SIK3: variants seen among roughly 807,000 people sequenced by gnomAD.
The protein encoded by SIK3 is SIK family kinase 3, also known as serine/threonine-protein kinase SIK3.
In SIK3, 28 loss-of-function variants were observed where a neutral mutation model predicts 144.2. The observed-to-expected ratio is 0.19, with a 90% CI of 0.14 to 0.27. SIK3 has a LOEUF of 0.27. Ranked by LOEUF, SIK3 falls within the 10% of genes least tolerant of loss-of-function variation. SIK3 has a pLI of 1.00. For synonymous variants in SIK3, 686 were observed against 676.3 expected, an observed-to-expected ratio of 1.01 and a Z score of -0.22; for missense variants, 1,319 against 1,776.0, an observed-to-expected ratio of 0.74 and a Z score of 4.62.
intron 1 of SIK3, among the ~76,000 whole-genome samples, chr11:117,018,732 T>C (rs1291952112): frequency 6.6e-6 from 1 of 151,734 alleles, no homozygotes; most frequent in African/African-American, 2.4e-5. Context: ...TTTTTTTTTT[T>C]GAAACAGTTT....
chr11:116,955,942 G>A (rs955509538), intron 2 of SIK3, among the ~76,000 whole-genome samples: 6 of 150,828 alleles, frequency 4.0e-5, no homozygotes, highest in African/African-American at 1.2e-4. Context: ...AAGAGGCTAC[G>A]AAAGCTTGCC....
intron 4 of SIK3, among the ~76,000 whole-genome samples, chr11:116,924,809 G>T (rs1317726056): frequency 1.3e-5 from 2 of 152,212 alleles, no homozygotes; most frequent in African/African-American, 4.8e-5. Context: ...TGCAGAGTGG[G>T]TGGTGCGTGT....
At chr11:116,907,333 C>T (rs1352680473) in intron 4 of SIK3, among the ~76,000 whole-genome samples, 1 of 152,172 alleles carries the variant, frequency 6.6e-6, no homozygotes, top group Non-Finnish European at 1.5e-5. Context: ...TCACGTACAT[C>T]CCATAATTAT....
chr11:116,960,132 T>C (rs1432898720), intron 1 of SIK3, among the ~76,000 whole-genome samples: 2 of 152,186 alleles, frequency 1.3e-5, no homozygotes, highest in African/African-American at 4.8e-5. Flanking sequence ...TTGAATATAA[T>C]CTGTTCTTAG....
intron 6 of SIK3, among the ~76,000 whole-genome samples, chr11:116,880,902 T>C (rs1030546801): frequency 2.6e-5 from 4 of 152,128 alleles, no homozygotes; most frequent in Admixed American, 6.5e-5. Context: ...GGTGGGCAGA[T>C]TGCTTGAGGC....
intron 4 of SIK3, among the ~76,000 whole-genome samples, chr11:116,899,145 T>C (rs1369280948): frequency 3.9e-5 from 6 of 152,214 alleles, no homozygotes; most frequent in Non-Finnish European, 8.8e-5. Context: ...AATTGATTTT[T>C]GTGTAAGGTG....
chr11:117,040,948 C>CTTTTTTT (rs369066520), intron 1 of SIK3, among the ~76,000 whole-genome samples: 2 of 116,828 alleles, frequency 1.7e-5, no homozygotes, highest in African/African-American at 6.6e-5. Context: ...TACCTGCCTC[C>CTTTTTTT]TTTTTTTTTT....
intron 1 of SIK3, among the ~76,000 whole-genome samples, chr11:117,050,188 C>CT (rs1953168919): frequency 6.6e-6 from 1 of 151,796 alleles, no homozygotes. Flanking sequence ...ACTTAAGAGG[C>CT]TGAGGCAGGA....
chr11:116,987,329 A>G, intron 1 of SIK3, among the ~76,000 whole-genome samples: 1 of 146,356 alleles, frequency 6.8e-6, no homozygotes, highest in South Asian at 2.2e-4. Flanking sequence ...ATTAAAAAAA[A>G]AAAAAAAAAC....
intron 1 of SIK3, among the ~76,000 whole-genome samples, chr11:116,974,379 T>C (rs1231962099): frequency 6.6e-6 from 1 of 152,212 alleles, no homozygotes; most frequent in Non-Finnish European, 1.5e-5. Context: ...AGAATCAAAA[T>C]GGTTTCCATA....
intron 3 of SIK3, among the ~76,000 whole-genome samples, chr11:116,938,609 A>AT (rs1948106681): frequency 2.4e-5 from 1 of 42,092 alleles, no homozygotes; most frequent in Non-Finnish European, 4.1e-5. Context: ...AGGAGAGGAG[A>AT]GGAGAGGGGA....
At chr11:117,038,244 G>C (rs1027704903) in intron 1 of SIK3, among the ~76,000 whole-genome samples, 6 of 151,930 alleles carry the variant, frequency 3.9e-5, no homozygotes, top group African/African-American at 1.5e-4. Context: ...ATCTGAACCC[G>C]CTCAACCAAA....
chr11:116,981,197 C>G (rs1950129030), intron 1 of SIK3, among the ~76,000 whole-genome samples: 1 of 152,238 alleles, frequency 6.6e-6, no homozygotes, highest in Admixed American at 6.5e-5. Context: ...GAGCTTGCCT[C>G]TGCTCCACAT....
chr11:116,907,200 A>G (rs1168653413), intron 4 of SIK3, among the ~76,000 whole-genome samples: 1 of 152,206 alleles, frequency 6.6e-6, no homozygotes, highest in African/African-American at 2.4e-5. Flanking sequence ...TAACATTCCC[A>G]AGTATAAAGG....
intron 13 of SIK3, among the ~76,000 whole-genome samples, chr11:116,871,213 T>G (rs1055325133): frequency 6.6e-6 from 1 of 152,168 alleles, no homozygotes; most frequent in Non-Finnish European, 1.5e-5. Context: ...GCCCACATCA[T>G]CACCATGCCC....
chr11:116,844,629 A>AATAT lies in SIK3; in HGVS notation c.*1010_*1013dup, dbSNP rs1565345447. 4,275 of 42,102 alleles carry AATAT rather than the reference A, an allele frequency of 0.1. 207 individuals carry two copies. The highest frequency in any genetic ancestry group is 0.14 in the Non-Finnish European group (3,178 of 23,522). 2.6% of individuals were successfully genotyped at this position (42,102 alleles called of 1,614,324 possible). A position where few individuals can be genotyped will look rare whatever the true frequency, so the allele number is the denominator to read the frequency against. ...TATATTATATATATAATATATATAT[A>AATAT]ATATATTATATTATATATTATATAT... is the stretch of plus-strand genomic sequence containing the variant. On this transcript the variant is annotated 3_prime_UTR_variant, in exon 25 of 25. Coordinates refer to ENST00000445177, the MANE Select transcript of SIK3 (RefSeq NM_001366686.3).
At chr11:117,070,269 A>G (rs1056535842) in intron 1 of SIK3, among the ~76,000 whole-genome samples, 16 of 152,160 alleles carry the variant, frequency 1.1e-4, no homozygotes, top group African/African-American at 3.9e-4. Context: ...AATATTAGGC[A>G]AACAACTAGA....
chr11:117,013,972 CTTTTTT>C (rs71037442), intron 1 of SIK3, among the ~76,000 whole-genome samples: 7 of 27,058 alleles, frequency 2.6e-4, no homozygotes, highest in African/African-American at 7.7e-4. Flanking sequence ...TTTTTCTTTT[CTTTTTT>C]TTTTTTTTTT....
chr11:117,015,578 ATT>A (rs58062225), intron 1 of SIK3, among the ~76,000 whole-genome samples: 35 of 139,926 alleles, frequency 2.5e-4, no homozygotes, highest in Admixed American at 5.7e-4. Flanking sequence ...TGTCCAGCTA[ATT>A]TTTTTTTTTT....
Sources: allele counts gnomAD v4.1 joint callset (sites outside exome capture counted in the v4.1 genomes callset), GRCh38; gene constraint gnomAD v4.1.1; transcripts MANE v1.5; gene names NCBI Gene and HGNC (gene_info 2026-07-23, HGNC 2026-07-21).